The following JAKMIP3 variants were observed in gnomAD, a reference collection of about 807,000 sequenced individuals.
JAKMIP3 encodes Janus kinase and microtubule interacting protein 3, also known as janus kinase and microtubule-interacting protein 3.
In JAKMIP3, 58 loss-of-function variants were observed where a neutral mutation model predicts 118.5. That is an observed-to-expected ratio of 0.49 (90% CI 0.40 to 0.61). The LOEUF (loss-of-function observed/expected upper bound fraction) is 0.61, where lower values mean the gene tolerates loss of function less well. Ranked by LOEUF, JAKMIP3 falls within the 20% of genes least tolerant of loss-of-function variation. The pLI, the probability that JAKMIP3 is intolerant of heterozygous loss-of-function variation, is 0.00. For missense variants in JAKMIP3, 950 were observed against 1,109.0 expected (o/e 0.86, Z 2.04); for synonymous variants, 486 against 451.2 (o/e 1.08, Z -0.98).
intron 4 of JAKMIP3, among the ~76,000 whole-genome samples, chr10:132,134,014 C>A (rs962248355): frequency 6.6e-6 from 1 of 152,254 alleles, no homozygotes; most frequent in Non-Finnish European, 1.5e-5. Context: ...CCCTCCCACC[C>A]GCTTCTCATG....
At chr10:132,147,817 G>A (rs557702467) in intron 13 of JAKMIP3, 135 bp from the exon 14 acceptor site, 72 of 605,788 alleles carry the variant, frequency 1.2e-4, no homozygotes, top group Middle Eastern at 9.8e-4. Flanking sequence ...GCTGTGAGGC[G>A]CTTCCAGGGC....
chr10:132,132,259 G>A (rs1386920399), intron 3 of JAKMIP3, among the ~76,000 whole-genome samples: 2 of 152,160 alleles, frequency 1.3e-5, no homozygotes, highest in African/African-American at 2.4e-5. Context: ...CAAACAATGG[G>A]TAAAGCAGCA....
chr10:132,169,686 C>T (rs563512112), intron 23 of JAKMIP3, among the ~76,000 whole-genome samples: 1 of 152,328 alleles, frequency 6.6e-6, no homozygotes, highest in Admixed American at 6.5e-5. Context: ...CGACCCACAC[C>T]GTGTCTGAGA....
chr10:132,146,521 G>A (rs74161733), intron 13 of JAKMIP3, among the ~76,000 whole-genome samples: 1,856 of 152,258 alleles, frequency 0.012, 33 homozygotes, highest in African/African-American at 0.041. Context: ...CACAGGTGAG[G>A]GGTGCTCTGT....
At chr10:132,121,227 G>A (rs1032912125) in intron 3 of JAKMIP3, among the ~76,000 whole-genome samples, 3 of 152,062 alleles carry the variant, frequency 2.0e-5, no homozygotes, top group South Asian at 2.1e-4. Flanking sequence ...GTGGCCTCCC[G>A]GGCCTGGCAG....
At chr10:132,097,523 G>A (rs1294119869) in intron 1 of JAKMIP3, among the ~76,000 whole-genome samples, 3 of 152,118 alleles carry the variant, frequency 2.0e-5, no homozygotes, top group African/African-American at 4.8e-5. Flanking sequence ...GGAGCAGATC[G>A]TGGCTTCCCA....
intron 9 of JAKMIP3, among the ~76,000 whole-genome samples, chr10:132,139,049 A>AGT (rs4009682): frequency 0.2 from 29,281 of 149,882 alleles, 2,832 homozygotes; most frequent in East Asian, 0.29. Context: ...CTTTATGTTG[A>AGT]GTGTGTGTGT....
chr10:132,167,910 C>T (rs2637651), intron 22 of JAKMIP3, 43 bp from the exon 23 acceptor site: 125,329 of 1,269,312 alleles, frequency 0.099, 6,669 homozygotes, highest in African/African-American at 0.14. Context: ...TCCAGCCAAG[C>T]GGAGCCTCGC....
chr10:132,137,956 G>A (rs767998192), intron 8 of JAKMIP3, among the ~76,000 whole-genome samples, 163 bp from the exon 9 acceptor site: 9 of 151,346 alleles, frequency 5.9e-5, no homozygotes, highest in Non-Finnish European at 1.0e-4. Flanking sequence ...GCTCCCCGAG[G>A]AGCAGAGCTG....
chr10:132,037,632 C>T (rs1387293853), intron 1 of JAKMIP3, among the ~76,000 whole-genome samples: 2 of 152,052 alleles, frequency 1.3e-5, no homozygotes, highest in Admixed American at 1.3e-4. Flanking sequence ...CTGGCTTTGG[C>T]AGCTGGGGCA....
rs537458903 is a variant in JAKMIP3, at chr10:132,132,267, G to A, written c.634-1045G>A. On this transcript the variant is annotated intron_variant, in intron 3 of 23. Coordinates refer to ENST00000684848, the MANE Select transcript of JAKMIP3 (RefSeq NM_001323087.2). ...TAAACCTCAAACAATGGGTAAAGCA[G>A]CAAGATATCCCATTCTGCTCTGTTG... Among the ~76,000 whole-genome samples the A allele has an allele frequency of 5.3e-5, 8 of 152,286 alleles. No homozygotes were observed. The South Asian group carries it at 1.7e-3, about 32-fold the overall frequency.
intron 13 of JAKMIP3, among the ~76,000 whole-genome samples, chr10:132,146,942 A>G (rs1202647439): frequency 6.6e-6 from 1 of 152,106 alleles, no homozygotes; most frequent in Non-Finnish European, 1.5e-5. Context: ...ACACACGTAA[A>G]TGCCTGCGTG....
intron 19 of JAKMIP3, among the ~76,000 whole-genome samples, chr10:132,154,508 C>G (rs1000418011): frequency 6.6e-6 from 1 of 152,224 alleles, no homozygotes; most frequent in Non-Finnish European, 1.5e-5. Flanking sequence ...CTACTTCCCC[C>G]GTGACTGCAC....
chr10:132,163,320 G>C lies in JAKMIP3; in HGVS notation c.2332G>C (p.Glu778Gln), dbSNP rs2136572460. Residue 778 changes from glutamate to glutamine, a missense_variant, in exon 20 of 24, where the codon GAG (glutamate) becomes CAG (glutamine). Coordinates refer to ENST00000684848, the MANE Select transcript of JAKMIP3 (RefSeq NM_001323087.2). ...GCGCGAGAAGCTCAAGGTGGCCGTG[G>C]AGCAGTGGAAGCGCCAGGTCATGAG... is the stretch of plus-strand genomic sequence containing the variant. ...EEREKLKVAV[E>Q]QWKRQVMSEL... 1 of 1,609,496 alleles carries C rather than the reference G, an allele frequency of 6.2e-7. No individual in the cohort carries two copies. Among genetic ancestry groups the C allele is most frequent in the Admixed American group, 1.7e-5 (1 of 59,744 alleles).
chr10:132,148,183 G>T, intron 14 of JAKMIP3, 133 bp downstream of exon 14: 1 of 580,658 alleles, frequency 1.7e-6, no homozygotes, highest in Non-Finnish European at 3.0e-6. Context: ...CGTCAGGGAG[G>T]AAAGAGGCAA....
chr10:132,078,344 A>T (rs1589760724), intron 1 of JAKMIP3, among the ~76,000 whole-genome samples: 1 of 151,232 alleles, frequency 6.6e-6, no homozygotes, highest in African/African-American at 2.4e-5. Flanking sequence ...TTGCTGGGAC[A>T]TTTTTTTTTC....
intron 8 of JAKMIP3, among the ~76,000 whole-genome samples, chr10:132,137,729 C>T (rs891760572): frequency 4.6e-5 from 7 of 152,334 alleles, no homozygotes; most frequent in Admixed American, 1.3e-4. Context: ...ATTTTAAGGG[C>T]GCCAGTCCCC....
chr10:132,072,244 C>T (rs112955623), intron 1 of JAKMIP3, among the ~76,000 whole-genome samples: 373 of 152,160 alleles, frequency 2.5e-3, no homozygotes, highest in Non-Finnish European at 4.1e-3. Context: ...AGTAGATTCT[C>T]GCCTTTTTAA....
chr10:132,171,587 G>A (rs148919402), intron 23 of JAKMIP3, among the ~76,000 whole-genome samples: 2,143 of 151,780 alleles, frequency 0.014, 27 homozygotes, highest in Middle Eastern at 0.059. Context: ...TGCACAAATT[G>A]TGTAGAGAGT....
Sources: gnomAD v4.1 joint callset for allele counts (sites outside exome capture counted in the v4.1 genomes callset) on GRCh38, gnomAD v4.1.1 for gene constraint, MANE v1.5 for transcripts, NCBI Gene and HGNC (gene_info 2026-07-23, HGNC 2026-07-21) for gene names.